Variants in MSRA observed in about 807,000 individuals in gnomAD.
MSRA encodes mitochondrial peptide methionine sulfoxide reductase.
In MSRA, 54 loss-of-function variants were observed where a neutral mutation model predicts 31.3. The ratio of observed to expected loss-of-function variants is 1.73; its 90% CI spans 1.39 to 2.17. The LOEUF (loss-of-function observed/expected upper bound fraction) is 2.17. MSRA is among the 30% of genes most tolerant of loss of function. MSRA has a pLI of 0.00. For synonymous variants in MSRA, 169 were observed against 116.5 expected, an observed-to-expected ratio of 1.45 and a Z score of -2.90; for missense variants, 507 against 300.9, an observed-to-expected ratio of 1.69 and a Z score of -5.07.
At chr8:10,233,385 A>G (rs1288775340) in intron 2 of MSRA, among the ~76,000 whole-genome samples, 2 of 152,274 alleles carry the variant, frequency 1.3e-5, no homozygotes, top group African/African-American at 4.8e-5. Context: ...TGAAGAAATG[A>G]AATATAAATT....
intron 1 of MSRA, among the ~76,000 whole-genome samples, chr8:10,077,519 C>T (rs947219416): frequency 7.5e-6 from 1 of 133,086 alleles, no homozygotes; most frequent in East Asian, 2.4e-4. Context: ...GACAGAGTCT[C>T]ACTATGTTGC....
At chr8:10,309,871 G>C (rs1433621771) in intron 4 of MSRA, among the ~76,000 whole-genome samples, 1 of 152,196 alleles carries the variant, frequency 6.6e-6, no homozygotes. Flanking sequence ...GGGTGGGATA[G>C]GTCCACTCCG....
chr8:10,341,826 G>C (rs550697835), intron 5 of MSRA, among the ~76,000 whole-genome samples: 1 of 152,342 alleles, frequency 6.6e-6, no homozygotes, highest in Non-Finnish European at 1.5e-5. Context: ...TGAATGGGCA[G>C]ATGATTTGCC....
chr8:10,337,704 G>C (rs1026285299), intron 5 of MSRA: 5 of 702,322 alleles, frequency 7.1e-6, no homozygotes, highest in Non-Finnish European at 1.3e-5. Flanking sequence ...CTCCTCTCTC[G>C]GCAGCTGGTG....
At chr8:10,086,512 A>G (rs552393979) in intron 1 of MSRA, among the ~76,000 whole-genome samples, 10 of 152,300 alleles carry the variant, frequency 6.6e-5, no homozygotes, top group Non-Finnish European at 1.2e-4. Context: ...TCTACCCTAT[A>G]TATGAATCTG....
At chr8:10,200,165 G>A (rs545544727) in intron 1 of MSRA, among the ~76,000 whole-genome samples, 18 of 152,338 alleles carry the variant, frequency 1.2e-4, no homozygotes, top group South Asian at 6.2e-4. Context: ...GTTCTGCTGC[G>A]TCTGGAGCAA....
chr8:10,157,768 T>C (rs1804279668), intron 1 of MSRA, among the ~76,000 whole-genome samples: 1 of 152,128 alleles, frequency 6.6e-6, no homozygotes. Context: ...CCCCTCTCTC[T>C]GCCCGCCCTC....
At chr8:10,124,333 A>G (rs1208256170) in intron 1 of MSRA, among the ~76,000 whole-genome samples, 1 of 152,198 alleles carries the variant, frequency 6.6e-6, no homozygotes, top group African/African-American at 2.4e-5. Context: ...ATGGGCCTCA[A>G]AGGGCTTTTC....
At chr8:10,105,244 T>C (rs1799807320) in intron 1 of MSRA, among the ~76,000 whole-genome samples, 2 of 152,202 alleles carry the variant, frequency 1.3e-5, no homozygotes, top group African/African-American at 2.4e-5. Flanking sequence ...AACTATGGAA[T>C]ATGTTTGAAA....
At chr8:10,187,702 T>C (rs1469343230) in intron 1 of MSRA, among the ~76,000 whole-genome samples, 1 of 152,264 alleles carries the variant, frequency 6.6e-6, no homozygotes, top group East Asian at 1.9e-4. Flanking sequence ...AGTTATTTGC[T>C]ATTATTGTTT....
intron 1 of MSRA, among the ~76,000 whole-genome samples, chr8:10,123,265 C>A (rs980199359): frequency 6.6e-6 from 1 of 152,196 alleles, no homozygotes; most frequent in Non-Finnish European, 1.5e-5. Context: ...ATTTGCATTT[C>A]TCTAATGATC....
intron 1 of MSRA, among the ~76,000 whole-genome samples, chr8:10,058,502 T>C (rs775494119): frequency 2.0e-5 from 3 of 152,354 alleles, no homozygotes; most frequent in Middle Eastern, 3.4e-3. Context: ...GCAGGTTGAT[T>C]TTTATAGAAG....
chr8:10,411,873 A>G (rs1001807777), intron 5 of MSRA, among the ~76,000 whole-genome samples: 39 of 146,862 alleles, frequency 2.7e-4, no homozygotes, highest in African/African-American at 8.6e-4. Context: ...ATTCCAGTTA[A>G]GCAAAACTTT....
intron 1 of MSRA, among the ~76,000 whole-genome samples, chr8:10,122,068 C>T (rs767673948): frequency 2.7e-4 from 41 of 152,048 alleles, no homozygotes; most frequent in Non-Finnish European, 5.1e-4. Flanking sequence ...TGTAACTCTT[C>T]AGGGAAGGGG....
chr8:10,191,666 C>T (rs1807518197), intron 1 of MSRA, among the ~76,000 whole-genome samples: 1 of 151,864 alleles, frequency 6.6e-6, no homozygotes, highest in African/African-American at 2.4e-5. Flanking sequence ...TAGTCTCCAA[C>T]TTAGAAATGG....
chr8:10,407,266 G>A (rs1012807220), intron 5 of MSRA, among the ~76,000 whole-genome samples: 12 of 152,190 alleles, frequency 7.9e-5, no homozygotes, highest in East Asian at 5.8e-4. Context: ...AAACGCCCAC[G>A]TTCTCACCAT....
At chr8:10,161,165 A>G (rs143990641) in intron 1 of MSRA, among the ~76,000 whole-genome samples, 2,307 of 152,358 alleles carry the variant, frequency 0.015, 22 homozygotes, top group Non-Finnish European at 0.021. Flanking sequence ...TGTGGTATAA[A>G]TCTCCTTTGC....
chr8:10,415,643 G>A (rs962825084), intron 5 of MSRA, among the ~76,000 whole-genome samples: 2 of 151,960 alleles, frequency 1.3e-5, no homozygotes, highest in African/African-American at 2.4e-5. Flanking sequence ...CTGCTGGGTC[G>A]CCCTCACCCT....
chr8:10,128,010 C>G (rs966273971), intron 1 of MSRA, among the ~76,000 whole-genome samples: 1 of 151,914 alleles, frequency 6.6e-6, no homozygotes, highest in Non-Finnish European at 1.5e-5. Flanking sequence ...GACCGTGGTG[C>G]ATTTCCAGAG....
Sources: allele counts gnomAD v4.1 joint callset (sites outside exome capture counted in the v4.1 genomes callset), GRCh38; gene constraint gnomAD v4.1.1; transcripts MANE v1.5; gene names NCBI Gene and HGNC (gene_info 2026-07-23, HGNC 2026-07-21).